Variants in TMEM201 observed in about 807,000 individuals in gnomAD.
TMEM201 encodes RP13-15M17.2.
A neutral mutation model predicts 63.4 loss-of-function variants in TMEM201; 26 were observed. The observed-to-expected ratio is 0.41, with a 90% CI of 0.30 to 0.57. The LOEUF (loss-of-function observed/expected upper bound fraction) is 0.57. TMEM201 is among the 20% of genes least tolerant of loss of function. The probability of loss-of-function intolerance (pLI) is 0.29; values close to 1 mark genes in which losing one functional copy is unlikely to be tolerated. For missense variants in TMEM201, 794 were observed against 917.7 expected, an observed-to-expected ratio of 0.87 and a Z score of 1.74; for synonymous variants, 417 against 421.6, an observed-to-expected ratio of 0.99 and a Z score of 0.14.
chr1:9,590,887 G>A (rs1643908211), intron 1 of TMEM201, among the ~76,000 whole-genome samples: 1 of 152,224 alleles, frequency 6.6e-6, no homozygotes. Context: ...GAGGAACCAA[G>A]CATTGACTCT....
chr1:9,597,844 G>T (rs1644054389), intron 3 of TMEM201, among the ~76,000 whole-genome samples: 1 of 152,214 alleles, frequency 6.6e-6, no homozygotes, highest in South Asian at 2.1e-4. Flanking sequence ...CGCAGCAAGG[G>T]ATCACACTCC....
chr1:9,595,553 G>C (rs1477975255), intron 1 of TMEM201, among the ~76,000 whole-genome samples: 1 of 152,158 alleles, frequency 6.6e-6, no homozygotes, highest in Admixed American at 6.5e-5. Flanking sequence ...GCCACCAGGA[G>C]CAGGTGGCCC....
In TMEM201 at chr1:9,596,837, G is replaced by A. The variant is rs762925539; in HGVS notation, c.235-22G>A. On this transcript the variant is annotated intron_variant, in intron 2 of 10. Coordinates refer to ENST00000340381, the MANE Select transcript of TMEM201 (RefSeq NM_001130924.3). The stretch of plus-strand genomic sequence containing the variant: ...CCAGCTGGGAGGGCCTGCCTGCCTC[G>A]AGTCCCACCTCTCTCCCGCAGAACG... 30 of 1,562,110 alleles carry A rather than the reference G, an allele frequency of 1.9e-5. 1 individual carries two copies. The highest frequency in any genetic ancestry group is 4.6e-5 in the East Asian group (2 of 43,318).
chr1:9,610,465 A>G lies in TMEM201; in HGVS notation c.1466-41A>G, dbSNP rs757875839. 1.1e-5 allele frequency: 16 copies of G among 1,464,560 alleles called. No homozygotes were observed. Among genetic ancestry groups the G allele is most frequent in the Non-Finnish European group, 1.5e-5 (16 of 1,102,348 alleles). 90.7% of individuals were successfully genotyped at this position (1,464,560 alleles called of 1,614,324 possible). On this transcript the variant is annotated intron_variant, in intron 8 of 10. Transcript: ENST00000340381. The surrounding 1 kb of genome is among the most constrained non-coding windows in gnomAD (Gnocchi z 4.9). ...AATAGCGCATTGTAGCGTTGCAGTGACAGGAGCCCACGTTCACATCATCTT... is the reference window on the plus strand; with the variant it reads ...AATAGCGCATTGTAGCGTTGCAGTGGCAGGAGCCCACGTTCACATCATCTT...
chr1:9,593,655 A>T (rs747711372), intron 1 of TMEM201, among the ~76,000 whole-genome samples: 22 of 152,284 alleles, frequency 1.4e-4, no homozygotes, highest in Admixed American at 2.6e-4. Flanking sequence ...GCGGGGCTTC[A>T]TGGCAGGCAC....
chr1:9,610,051 A>G lies in TMEM201; in HGVS notation c.1465+140A>G. On this transcript the variant is annotated intron_variant, in intron 8 of 10. Coordinates refer to ENST00000340381, the MANE Select transcript of TMEM201 (RefSeq NM_001130924.3). The surrounding 1 kb of genome is among the most constrained non-coding windows in gnomAD (Gnocchi z 4.9). ...TCTCAGCCCTGGGCAAGTGACCTACACACCTGTGCCTCAGTTTCCTCTTGC... is the reference window on the plus strand; with the variant it reads ...TCTCAGCCCTGGGCAAGTGACCTACGCACCTGTGCCTCAGTTTCCTCTTGC... 1.3e-6 allele frequency: 1 copy of G among 752,454 alleles called. No homozygotes were observed. The highest frequency in any genetic ancestry group is 2.3e-6 in the Non-Finnish European group (1 of 442,232). The allele number at this position is 752,454 out of a possible 1,614,324, so 46.6% of individuals were successfully genotyped here. A position where few individuals can be genotyped will look rare whatever the true frequency, so the allele number is the denominator to read the frequency against.
chr1:9,593,544 G>A (rs1054217326), intron 1 of TMEM201, among the ~76,000 whole-genome samples: 2 of 152,186 alleles, frequency 1.3e-5, no homozygotes, highest in African/African-American at 4.8e-5. Flanking sequence ...CTAATCCCTT[G>A]CCTCCCCCCT....
chr1:9,607,927 C>T lies in TMEM201; in HGVS notation c.1393+138C>T. On this transcript the variant is annotated intron_variant, in intron 7 of 10. Transcript: ENST00000340381. This position sits in a 1 kb window ranked among gnomAD's most constrained non-coding sequence, Gnocchi z 5.4. Reference sequence around the variant, plus strand: ...GAGACAGGCAGCACAGAGCTTTGAGCCTCAGTTCCCCCCAAAGAAATGGGG... The same window carrying T: ...GAGACAGGCAGCACAGAGCTTTGAGTCTCAGTTCCCCCCAAAGAAATGGGG... 1.2e-6 allele frequency: 1 copy of T among 835,916 alleles called. No homozygotes were observed. The highest frequency in any genetic ancestry group is 1.7e-5 in the African/African-American group (1 of 58,146). The allele number at this position is 835,916 out of a possible 1,614,324, so 51.8% of individuals were successfully genotyped here. A position where few individuals can be genotyped will look rare whatever the true frequency, so the allele number is the denominator to read the frequency against.
chr1:9,602,775 G>A (rs1239748385), intron 6 of TMEM201: 3 of 995,594 alleles, frequency 3.0e-6, no homozygotes, highest in Non-Finnish European at 3.6e-6. Flanking sequence ...TGAGGCTGGG[G>A]CAGCAGAGAG....
Position 9,602,248 on chromosome 1 carries a change from G to C in TMEM201, c.1136G>C (p.Gly379Ala), listed in dbSNP as rs1398717723. ...TAAVATRKATGPRRFRPRRFF... is the reference protein window; with the variant it reads ...TAAVATRKATAPRRFRPRRFF... ...GCTGTGGCCACAAGGAAGGCAACGG[G>C]CCCACGGAGGTTCCGGCCCCGAAGG... is the stretch of plus-strand genomic sequence containing the variant. Residue 379 changes from glycine to alanine, a missense_variant, in exon 6 of 11, where the codon GGC (glycine) becomes GCC (alanine). Physicochemically the swap from Gly to Ala is moderately conservative, Grantham distance 60. Transcript: ENST00000340381. 6.2e-7 allele frequency: 1 copy of C among 1,611,924 alleles called. No individual in the cohort carries two copies. Among genetic ancestry groups the C allele is most frequent in the Admixed American group, 1.7e-5 (1 of 60,018 alleles).
Position 9,605,087 on chromosome 1 carries a change from C to CA in TMEM201, c.1161-2469dup. On this transcript the variant is annotated intron_variant, in intron 6 of 10. Transcript: ENST00000340381. This position sits in a 1 kb window ranked among gnomAD's most constrained non-coding sequence, Gnocchi z 5.7. ...CAGGTTTGGGAGCCAGTGACAATGACACCAGCTGGCTCGGGGCCCGGCTCG... is the reference window on the plus strand; with the variant it reads ...CAGGTTTGGGAGCCAGTGACAATGACAACCAGCTGGCTCGGGGCCCGGCTCG... The CA allele has an allele frequency of 1.1e-6, 1 of 906,058 alleles. No homozygotes were observed. Among genetic ancestry groups the CA allele is most frequent in the Non-Finnish European group, 1.3e-6 (1 of 757,396 alleles). The allele number at this position is 906,058 out of a possible 1,614,324, so 56.1% of individuals were successfully genotyped here. A position where few individuals can be genotyped will look rare whatever the true frequency, so the allele number is the denominator to read the frequency against.
rs1282842261 is a variant in TMEM201 at position 9,605,849 on chromosome 1, C to T, written c.1161-1708C>T. On this transcript the variant is annotated intron_variant, in intron 6 of 10. Coordinates refer to ENST00000340381, the MANE Select transcript of TMEM201 (RefSeq NM_001130924.3). The surrounding 1 kb of genome is among the most constrained non-coding windows in gnomAD (Gnocchi z 5.7). ...GCCCACCCTTTGGGGCCAGGAGCTG[C>T]GTGGCCCAGCTGACCACCTCATACC... is the stretch of plus-strand genomic sequence containing the variant. Among the ~76,000 whole-genome samples, 1 of 152,222 alleles carries T rather than the reference C, an allele frequency of 6.6e-6. No homozygotes were observed. Among genetic ancestry groups the T allele is most frequent in the African/African-American group, 2.4e-5 (1 of 41,452 alleles).
intron 1 of TMEM201, among the ~76,000 whole-genome samples, chr1:9,590,550 C>T (rs1420836387): frequency 1.3e-5 from 2 of 152,174 alleles, no homozygotes; most frequent in Non-Finnish European, 2.9e-5. Context: ...CCCCTTCCTG[C>T]CCTGCTGGCC....
chr1:9,590,614 C>T (rs949012869), intron 1 of TMEM201, among the ~76,000 whole-genome samples: 1 of 152,184 alleles, frequency 6.6e-6, no homozygotes, highest in East Asian at 1.9e-4. Context: ...AGATATTGGG[C>T]TAGCTGGTGC....
intron 1 of TMEM201, among the ~76,000 whole-genome samples, chr1:9,594,428 C>A (rs1269800444): frequency 6.6e-6 from 1 of 152,186 alleles, no homozygotes; most frequent in Admixed American, 6.5e-5. Context: ...AGGGCCTGGT[C>A]CCATCTCCCC....
chr1:9,607,558 T>G lies in TMEM201; in HGVS notation c.1162T>G (p.Phe388Val), dbSNP rs770846189. 14 of 1,547,002 alleles carry G rather than the reference T, an allele frequency of 9.0e-6. No homozygotes were observed. The highest frequency in any genetic ancestry group is 1.1e-5 in the Non-Finnish European group (13 of 1,144,404). The change falls in exon 7 of 11, where the codon TTC becomes GTC. Residue 388 changes from phenylalanine (F) to valine (V), a missense_variant and splice_region_variant. Physicochemically the swap from Phe to Val is conservative, Grantham distance 50 (BLOSUM62 -1). Transcript: ENST00000340381. This position sits in a 1 kb window ranked among gnomAD's most constrained non-coding sequence, Gnocchi z 5.4. Reference protein sequence around the residue: ...TGPRRFRPRRFFPGDSAGLFP... With the variant: ...TGPRRFRPRRVFPGDSAGLFP... ...CCCGTGCCTGACGGGCCCTTGCAGGTTCTTCCCAGGAGACTCTGCCGGCCT... is the reference window on the plus strand; with the variant it reads ...CCCGTGCCTGACGGGCCCTTGCAGGGTCTTCCCAGGAGACTCTGCCGGCCT...
At chr1:9,595,420 C>T (rs1308476013) in intron 1 of TMEM201, among the ~76,000 whole-genome samples, 4 of 152,138 alleles carry the variant, frequency 2.6e-5, no homozygotes, top group South Asian at 2.1e-4. Flanking sequence ...CTCCCTGGGG[C>T]GCACCCTTTC....
rs753601456 is a variant in TMEM201, at chr1:9,598,525, C to T, written c.506C>T (p.Ala169Val). ...QMYKLCRPCQ[A>V]AVEYYIKHQN... ...TACAAGCTGTGCCGGCCGTGCCAAG[C>T]GGCTGTGGAGTACTACATCAAGCAC... Residue 169 changes from alanine (A) to valine (V), a missense_variant, in exon 4 of 11, where the codon GCG becomes GTG. Transcript: ENST00000340381. The T allele has an allele frequency of 5.0e-6, 8 of 1,613,904 alleles. No homozygotes were observed. Among genetic ancestry groups the T allele is most frequent in the East Asian group, 2.2e-5 (1 of 44,890 alleles).
Position 9,613,316 on chromosome 1 carries a change from G to A in TMEM201, c.*233G>A, listed in dbSNP as rs978168865. 7 of 573,812 alleles carry A rather than the reference G, an allele frequency of 1.2e-5. No individual in the cohort carries two copies. The highest frequency in any genetic ancestry group is 2.2e-5 in the Non-Finnish European group (7 of 320,700). The allele number at this position is 573,812 out of a possible 1,614,324, so 35.5% of individuals were successfully genotyped here. ...CCCACTCACCTCCTTGGCTGACATC[G>A]GTTGTGTTTGGTGCTGACACTCTGA... On this transcript the variant is annotated 3_prime_UTR_variant, in exon 11 of 11. Coordinates refer to ENST00000340381, the MANE Select transcript of TMEM201 (RefSeq NM_001130924.3).
Sources: allele counts gnomAD v4.1 joint callset (sites outside exome capture counted in the v4.1 genomes callset), GRCh38; gene constraint gnomAD v4.1.1; non-coding constraint Gnocchi (gnomAD v3.1); transcripts MANE v1.5; gene names NCBI Gene and HGNC (gene_info 2026-07-23, HGNC 2026-07-21).